The following CALD1 variants were observed in gnomAD, a reference collection of about 807,000 sequenced individuals.
CALD1 encodes the protein caldesmon.
Under a neutral mutation model 99.9 loss-of-function variants are expected in CALD1, and 33 were observed. The observed-to-expected ratio is 0.33, with a 90% CI of 0.25 to 0.44. CALD1 has a LOEUF of 0.44. CALD1 is among the 20% of genes least tolerant of loss of function. The pLI, the probability that CALD1 is intolerant of heterozygous loss-of-function variation, is 1.00. For synonymous variants in CALD1, 310 were observed against 325.0 expected, an observed-to-expected ratio of 0.95 and a Z score of 0.50; for missense variants, 861 against 962.1, an observed-to-expected ratio of 0.89 and a Z score of 1.39.
intron 1 of CALD1, among the ~76,000 whole-genome samples, chr7:134,769,390 TACATCATCA>T (rs1796857526): frequency 6.6e-6 from 1 of 152,228 alleles, no homozygotes; most frequent in South Asian, 2.1e-4. Context: ...TAAGAATTTG[TACATCATCA>T]ACAACGTTTA....
chr7:134,714,629 T>C, the CALD1 span, among the ~76,000 whole-genome samples: 4 of 152,252 alleles, frequency 2.6e-5, no homozygotes, highest in African/African-American at 4.8e-5. Context: ...GACTGCTCCT[T>C]GCACAATAGA....
intron 14 of CALD1, among the ~76,000 whole-genome samples, chr7:134,967,128 G>A (rs1303644872): frequency 6.6e-6 from 1 of 152,044 alleles, no homozygotes; most frequent in East Asian, 1.9e-4. Context: ...TCTGGAAAGT[G>A]GAACAAAGAT....
At chr7:134,825,921 C>T (rs2132037605) in intron 1 of CALD1, among the ~76,000 whole-genome samples, 1 of 152,196 alleles carries the variant, frequency 6.6e-6, no homozygotes, top group Non-Finnish European at 1.5e-5. Context: ...TGTTTTCCTT[C>T]AGTTTCACCA....
intron 3 of CALD1, among the ~76,000 whole-genome samples, chr7:134,905,328 C>T (rs1803290407): frequency 6.6e-6 from 1 of 152,024 alleles, no homozygotes; most frequent in Non-Finnish European, 1.5e-5. Context: ...TACCGTGCAA[C>T]TATTAGTTCA....
At chr7:134,859,957 C>G in intron 2 of CALD1, among the ~76,000 whole-genome samples, 1 of 152,062 alleles carries the variant, frequency 6.6e-6, no homozygotes, top group East Asian at 1.9e-4. Context: ...CTTCTGTTTG[C>G]TAGTGGAGAA....
At chr7:134,872,283 G>A (rs887056804) in intron 3 of CALD1, among the ~76,000 whole-genome samples, 2 of 151,406 alleles carry the variant, frequency 1.3e-5, no homozygotes, top group Admixed American at 6.6e-5. Flanking sequence ...GCTTGAACCT[G>A]GGAGGCAGAG....
intron 1 of CALD1, among the ~76,000 whole-genome samples, chr7:134,810,277 G>A (rs980362658): frequency 6.6e-6 from 1 of 152,072 alleles, no homozygotes; most frequent in African/African-American, 2.4e-5. Context: ...TCTGCCAATA[G>A]GTTACTCTCA....
At chr7:134,847,488 T>C (rs537022723) in intron 2 of CALD1, among the ~76,000 whole-genome samples, 54 of 152,192 alleles carry the variant, frequency 3.5e-4, no homozygotes, top group African/African-American at 1.2e-3. Context: ...GTCCTTGTCA[T>C]GAGATATGAG....
intron 1 of CALD1, among the ~76,000 whole-genome samples, chr7:134,766,923 T>C (rs1279999624): frequency 1.3e-5 from 2 of 152,106 alleles, no homozygotes; most frequent in Non-Finnish European, 2.9e-5. Flanking sequence ...GGCTGCTTCA[T>C]AAACTAATCA....
chr7:134,935,123 A>G (rs1805860006), intron 5 of CALD1, among the ~76,000 whole-genome samples: 1 of 152,124 alleles, frequency 6.6e-6, no homozygotes, highest in Non-Finnish European at 1.5e-5. Context: ...TATCTGGGTG[A>G]CACAAATTCA....
intron 3 of CALD1, chr7:134,928,162 TG>T: frequency 8.2e-6 from 2 of 242,426 alleles, no homozygotes; most frequent in Non-Finnish European, 8.9e-6. Flanking sequence ...CCAGGCCCGG[TG>T]GCTCACGCCT....
At chr7:134,731,056 T>C in the CALD1 span, among the ~76,000 whole-genome samples, 1 of 152,194 alleles carries the variant, frequency 6.6e-6, no homozygotes, top group Admixed American at 6.5e-5. Context: ...AGCACCTTCC[T>C]CCTCCACAGC....
chr7:134,799,989 G>C (rs1797884793), intron 1 of CALD1, among the ~76,000 whole-genome samples: 1 of 151,982 alleles, frequency 6.6e-6, no homozygotes, highest in Non-Finnish European at 1.5e-5. Context: ...CAAGAGAAAA[G>C]ATGAAAAAAG....
intron 2 of CALD1, among the ~76,000 whole-genome samples, chr7:134,863,985 T>C (rs1473386382): frequency 6.6e-6 from 1 of 151,882 alleles, no homozygotes; most frequent in African/African-American, 2.4e-5. Flanking sequence ...CCTGGCGTGG[T>C]GGTAAGATGC....
intron 1 of CALD1, among the ~76,000 whole-genome samples, chr7:134,839,720 T>A (rs1290118000): frequency 2.0e-5 from 3 of 152,158 alleles, no homozygotes; most frequent in Admixed American, 2.0e-4. Context: ...AGACAAGGTC[T>A]CTCTCTGTCC....
chr7:134,949,676 G>A (rs1038379844), intron 8 of CALD1, among the ~76,000 whole-genome samples: 9 of 152,072 alleles, frequency 5.9e-5, no homozygotes, highest in African/African-American at 1.9e-4. Context: ...ACTCTCCTAG[G>A]ATGTAGGTAG....
rs1469252322 is a variant in CALD1 at position 134,941,223 on chromosome 7, T to C, written c.1518T>C (p.Thr506=). ...TCATGACCCACAAACTTAAACATAC[T>C]GAGAATACTTTCAGGTAAGAAGTAG... The part of the protein sequence containing the change: ...GEFMTHKLKH[T]ENTFSRPGGR... Residue 506 remains threonine (T), a synonymous_variant, in exon 7 of 15, where the codon ACT becomes ACC. Coordinates refer to ENST00000361675, the MANE Select transcript of CALD1 (RefSeq NM_033138.4). 1.9e-6 allele frequency: 3 copies of C among 1,601,476 alleles called. No homozygotes were observed. Among genetic ancestry groups the C allele is most frequent in the Non-Finnish European group, 2.5e-6 (3 of 1,176,648 alleles).
intron 1 of CALD1, among the ~76,000 whole-genome samples, chr7:134,824,560 A>G (rs1167515891): frequency 6.6e-6 from 1 of 151,498 alleles, no homozygotes; most frequent in Non-Finnish European, 1.5e-5. Context: ...TCTAGCTTCA[A>G]CTCTTCCACC....
chr7:134,731,899 C>T, the CALD1 span, among the ~76,000 whole-genome samples: 3 of 152,116 alleles, frequency 2.0e-5, no homozygotes, highest in Non-Finnish European at 2.9e-5. Context: ...CTAAATTTAT[C>T]CCTTGCCACA....
Sources: gnomAD v4.1 joint callset for allele counts (sites outside exome capture counted in the v4.1 genomes callset) on GRCh38, gnomAD v4.1.1 for gene constraint, MANE v1.5 for transcripts, NCBI Gene and HGNC (gene_info 2026-07-23, HGNC 2026-07-21) for gene names.